Variants in KNDC1 observed in about 807,000 individuals in gnomAD.
KNDC1 encodes kinase non-catalytic C-lobe domain containing 1.
In KNDC1, 106 loss-of-function variants were observed where a neutral mutation model predicts 172.8. That is an observed-to-expected ratio of 0.61 (90% CI 0.52 to 0.72). The LOEUF is 0.72. Ranked by LOEUF, KNDC1 falls within the 30% of genes least tolerant of loss-of-function variation. The pLI, the probability that KNDC1 is intolerant of heterozygous loss-of-function variation, is 0.00. For synonymous variants in KNDC1, 1,083 were observed against 1,062.2 expected, an observed-to-expected ratio of 1.02 and a Z score of -0.38; for missense variants, 2,325 against 2,394.5, an observed-to-expected ratio of 0.97 and a Z score of 0.61.
chr10:133,173,858 A>G (rs573787631), intron 3 of KNDC1: 13 of 152,186 alleles, frequency 8.5e-5, no homozygotes, highest in Non-Finnish European at 1.9e-4. Flanking sequence ...TTTATTCCCA[A>G]CAGTCGTCTC....
At chr10:133,168,201 A>T in intron 2 of KNDC1, 53 bp from the exon 3 acceptor site, 1 of 1,541,268 alleles carries the variant, frequency 6.5e-7, no homozygotes, top group Non-Finnish European at 9.0e-7. Context: ...TGGCGGGTTC[A>T]GGTTTGCAGG....
chr10:133,186,710 C>A, intron 6 of KNDC1, 36 bp downstream of exon 6: 1 of 1,491,950 alleles, frequency 6.7e-7, no homozygotes, highest in South Asian at 1.3e-5. Flanking sequence ...GTGGAGGGGT[C>A]GGCGGTCAGT....
intron 3 of KNDC1, among the ~76,000 whole-genome samples, chr10:133,172,077 T>C (rs1853393226): frequency 1.3e-5 from 2 of 152,168 alleles, no homozygotes; most frequent in Non-Finnish European, 1.5e-5. Flanking sequence ...CTGCTACAGG[T>C]TTTCCTTCCT....
intron 4 of KNDC1, 41 bp downstream of exon 4, chr10:133,183,531 G>GGGCC: frequency 6.4e-7 from 1 of 1,562,686 alleles, no homozygotes; most frequent in South Asian, 1.2e-5. Flanking sequence ...CTGTGACCCT[G>GGGCC]ACCCCACAGG....
At chr10:133,193,414 A>T (rs1854110509) in intron 9 of KNDC1, among the ~76,000 whole-genome samples, 1 of 152,106 alleles carries the variant, frequency 6.6e-6, no homozygotes, top group Admixed American at 6.5e-5. Context: ...AATCCCAGCT[A>T]CTTGGGAGGC....
intron 1 of KNDC1, among the ~76,000 whole-genome samples, chr10:133,164,545 C>G (rs919950437): frequency 6.6e-6 from 1 of 152,328 alleles, no homozygotes; most frequent in East Asian, 1.9e-4. Context: ...ATTCACAGCA[C>G]GTCACCTCCT....
rs958890461 is a variant in KNDC1, at chr10:133,225,093, C to T, written c.*203C>T. On this transcript the variant is annotated 3_prime_UTR_variant, in exon 30 of 30. Coordinates refer to ENST00000304613, the MANE Select transcript of KNDC1 (RefSeq NM_152643.8). Reference sequence around the variant, plus strand: ...CTCCTCCCAGCAGACGGAGCCAGGACGGGCACAAGAGTCTTGGAGGTTTGC... The same window carrying T: ...CTCCTCCCAGCAGACGGAGCCAGGATGGGCACAAGAGTCTTGGAGGTTTGC... The T allele has an allele frequency of 3.9e-5, 23 of 587,414 alleles. No homozygotes were observed. Among genetic ancestry groups the T allele is most frequent in the African/African-American group, 2.6e-4 (14 of 53,524 alleles). 36.4% of individuals were successfully genotyped at this position (587,414 alleles called of 1,614,324 possible).
Position 133,224,559 on chromosome 10 carries a change from T to G in KNDC1, c.5019-100T>G. The G allele has an allele frequency of 2.5e-6, 2 of 807,948 alleles. No individual in the cohort carries two copies. Among genetic ancestry groups the G allele is most frequent in the Non-Finnish European group, 4.0e-6 (2 of 503,702 alleles). The allele number at this position is 807,948 out of a possible 1,614,324, so 50.0% of individuals were successfully genotyped here. On this transcript the variant is annotated intron_variant, in intron 29 of 29. Transcript: ENST00000304613. This position sits in a 1 kb window ranked among gnomAD's most constrained non-coding sequence, Gnocchi z 5.4. Reference sequence around the variant, plus strand: ...TTCAGAATTTACACGGTGAAAAGATTTAGTCCAAATGATTCCTAAGAACGC... The same window carrying G: ...TTCAGAATTTACACGGTGAAAAGATGTAGTCCAAATGATTCCTAAGAACGC...
rs187943634 is a variant in KNDC1 at position 133,162,204 on chromosome 10, C to G, written c.102+1635C>G. ...CCCTGGCCCAACCCTGTGCCCAGTACTGAGCCCAACACACCCCATGTCTCA... is the reference window on the plus strand; with the variant it reads ...CCCTGGCCCAACCCTGTGCCCAGTAGTGAGCCCAACACACCCCATGTCTCA... On this transcript the variant is annotated intron_variant, in intron 1 of 29. Coordinates refer to ENST00000304613, the MANE Select transcript of KNDC1 (RefSeq NM_152643.8). Among the ~76,000 whole-genome samples the G allele has an allele frequency of 1.6e-3, 249 of 152,368 alleles. 4 individuals carry two copies. The highest frequency in any genetic ancestry group is 5.1e-3 in the Admixed American group (78 of 15,308).
chr10:133,214,779 G>A (rs1845441928), intron 26 of KNDC1, among the ~76,000 whole-genome samples: 1 of 152,212 alleles, frequency 6.6e-6, no homozygotes, highest in Non-Finnish European at 1.5e-5. Context: ...AGGTCCTGTG[G>A]GGCTTGGGCT....
intron 5 of KNDC1, 105 bp downstream of exon 5, chr10:133,184,094 T>TGC (rs1491142369): frequency 3.4e-6 from 2 of 596,572 alleles, no homozygotes; most frequent in African/African-American, 3.8e-5. Context: ...ACACACACAC[T>TGC]GCACACACAC....
intron 9 of KNDC1, among the ~76,000 whole-genome samples, chr10:133,192,803 C>T (rs1854096581): frequency 6.6e-6 from 1 of 151,950 alleles, no homozygotes; most frequent in Non-Finnish European, 1.5e-5. Context: ...GCTTGTGGGA[C>T]TATAATAAAA....
chr10:133,185,383 G>A (rs1424502903), intron 5 of KNDC1, among the ~76,000 whole-genome samples: 1 of 140,748 alleles, frequency 7.1e-6, no homozygotes, highest in Non-Finnish European at 1.6e-5. Flanking sequence ...GGAGTAGGCA[G>A]TGTGTACAGT....
At chr10:133,176,076 G>T (rs1178514289) in intron 3 of KNDC1, among the ~76,000 whole-genome samples, 1 of 151,948 alleles carries the variant, frequency 6.6e-6, no homozygotes, top group Non-Finnish European at 1.5e-5. Context: ...ATAGGTGGAT[G>T]GATGGATGGG....
rs148421196 is a variant in KNDC1, at chr10:133,201,577, G to A, written c.3066G>A (p.Ser1022=). 1.4e-5 allele frequency: 22 copies of A among 1,612,810 alleles called. No homozygotes were observed. The highest frequency in any genetic ancestry group is 2.2e-5 in the East Asian group (1 of 44,890). Residue 1022 remains serine, a synonymous_variant, in exon 17 of 30, where the codon TCG becomes TCA. Coordinates refer to ENST00000304613, the MANE Select transcript of KNDC1 (RefSeq NM_152643.8). ...CCACCTCGGTGTCGGATGTGGACTC[G>A]GACGCACTGTCACGGGGAAACTTCG... ...CSPTSVSDVD[S]DALSRGNFEV...
intron 9 of KNDC1, 71 bp downstream of exon 9, chr10:133,189,884 C>A: frequency 8.0e-7 from 1 of 1,248,112 alleles, no homozygotes; most frequent in Non-Finnish European, 1.1e-6. Flanking sequence ...CCCCATCTGT[C>A]CAGCAGCCCC....
In KNDC1 at chr10:133,183,287, C is replaced by T. The variant is rs183409494; in HGVS notation, c.361-57C>T. ...TCCTGGCCCGGAGAAGTGCTGGCCG[C>T]GGTCGGGGTGGCGCACACGCAGAGA... On this transcript the variant is annotated intron_variant, in intron 3 of 29. Coordinates refer to ENST00000304613, the MANE Select transcript of KNDC1 (RefSeq NM_152643.8). 1.0e-3 allele frequency: 1,502 copies of T among 1,497,008 alleles called. 20 individuals are homozygous for T. The African/African-American group carries it at 0.019, about 19-fold the overall frequency. 92.7% of individuals were successfully genotyped at this position (1,497,008 alleles called of 1,614,324 possible).
chr10:133,192,943 A>G (rs1051787848), intron 9 of KNDC1, among the ~76,000 whole-genome samples: 1 of 152,236 alleles, frequency 6.6e-6, no homozygotes, highest in African/African-American at 2.4e-5. Flanking sequence ...CAGATTTCAG[A>G]AGGTGAGAAA....
chr10:133,179,711 C>G (rs1023585588), intron 3 of KNDC1, among the ~76,000 whole-genome samples: 1 of 152,222 alleles, frequency 6.6e-6, no homozygotes, highest in Non-Finnish European at 1.5e-5. Context: ...CGAGAGCTAC[C>G]GGGATGCCCA....
Sources: allele counts gnomAD v4.1 joint callset (sites outside exome capture counted in the v4.1 genomes callset), GRCh38; gene constraint gnomAD v4.1.1; non-coding constraint Gnocchi (gnomAD v3.1); transcripts MANE v1.5; gene names NCBI Gene and HGNC (gene_info 2026-07-23, HGNC 2026-07-21).